Variants in CPHXL2 observed in about 807,000 individuals in gnomAD.
CPHXL2 encodes cytoplasmic polyadenylated homeobox like 2.
chr16:75,673,933 T>C, the CPHXL2 span, among the ~76,000 whole-genome samples: 203 of 148,458 alleles, frequency 1.4e-3, 1 homozygote, highest in African/African-American at 4.8e-3. Context: ...TGAGTTGAGA[T>C]TGTGCCACTG....
the CPHXL2 span, chr16:75,661,224 C>G: frequency 1.2e-5 from 5 of 400,664 alleles, no homozygotes; most frequent in Non-Finnish European, 2.2e-5. Context: ...CGGTGGAAGT[C>G]TGGCTCTATT....
the CPHXL2 span, chr16:75,676,988 T>G: frequency 7.5e-6 from 3 of 398,582 alleles, no homozygotes; most frequent in Non-Finnish European, 1.3e-5. Flanking sequence ...GGCACTCACC[T>G]TGGGAAGACA....
the CPHXL2 span, among the ~76,000 whole-genome samples, chr16:75,665,601 G>A: frequency 1.3e-5 from 2 of 152,200 alleles, no homozygotes; most frequent in Non-Finnish European, 2.9e-5. Context: ...AGTGGCACAT[G>A]CTTGTAATCC....
the CPHXL2 span, among the ~76,000 whole-genome samples, chr16:75,665,146 T>C: frequency 6.6e-6 from 1 of 152,042 alleles, no homozygotes; most frequent in Admixed American, 6.6e-5. Flanking sequence ...ATCTGGGAAA[T>C]TCATCCCAAA....
chr16:75,667,224 A>C, the CPHXL2 span, among the ~76,000 whole-genome samples: 3 of 150,980 alleles, frequency 2.0e-5, no homozygotes, highest in South Asian at 6.3e-4. Flanking sequence ...AGGCAGAAGA[A>C]TTGCTTGAAC....
chr16:75,665,559 C>A, the CPHXL2 span, among the ~76,000 whole-genome samples: 3 of 152,064 alleles, frequency 2.0e-5, no homozygotes, highest in Non-Finnish European at 4.4e-5. Context: ...AGGACCTATA[C>A]AACAAAAAAA....
the CPHXL2 span, among the ~76,000 whole-genome samples, chr16:75,666,347 C>T: frequency 7.9e-5 from 12 of 152,098 alleles, no homozygotes; most frequent in East Asian, 1.4e-3. Context: ...GATGGCTGGG[C>T]GTGGTGGCTC....
At chr16:75,660,694 C>G in the CPHXL2 span, 1 of 398,590 alleles carries the variant, frequency 2.5e-6, no homozygotes, top group Non-Finnish European at 4.4e-6. Flanking sequence ...TGAGCGTAAT[C>G]CAAAAGGAAG....
chr16:75,674,372 C>CAAAAAAAAA, the CPHXL2 span, among the ~76,000 whole-genome samples: 101 of 53,282 alleles, frequency 1.9e-3, no homozygotes, highest in African/African-American at 2.7e-3. Flanking sequence ...GACTCCGTCT[C>CAAAAAAAAA]AAAAAAAAAA....
At chr16:75,664,635 A>AAG in the CPHXL2 span, among the ~76,000 whole-genome samples, 40 of 150,928 alleles carry the variant, frequency 2.7e-4, no homozygotes, top group African/African-American at 9.3e-4. Flanking sequence ...CAAAAAAAAA[A>AAG]AAAAAAAGAA....
chr16:75,661,147 A>T, the CPHXL2 span: 1 of 400,848 alleles, frequency 2.5e-6, no homozygotes, highest in Non-Finnish European at 4.4e-6. Flanking sequence ...TGGAGGCTTA[A>T]AAATGGACAG....
chr16:75,675,220 C>T, the CPHXL2 span, among the ~76,000 whole-genome samples: 2 of 150,564 alleles, frequency 1.3e-5, no homozygotes, highest in Middle Eastern at 6.9e-3. Context: ...TGGGGTTTCA[C>T]CATATTGGTC....
chr16:75,666,598 A>G, the CPHXL2 span, among the ~76,000 whole-genome samples: 4 of 144,848 alleles, frequency 2.8e-5, no homozygotes, highest in Admixed American at 6.9e-5. Context: ...ACAAGAGTGA[A>G]ACTCTATCTC....
the CPHXL2 span, chr16:75,660,399 G>A: frequency 2.5e-6 from 1 of 398,684 alleles, no homozygotes; most frequent in Non-Finnish European, 4.4e-6. Context: ...GGGTGAGTTG[G>A]CAGCTATTTG....
At chr16:75,670,725 G>C in the CPHXL2 span, among the ~76,000 whole-genome samples, 1 of 152,018 alleles carries the variant, frequency 6.6e-6, no homozygotes, top group Non-Finnish European at 1.5e-5. Context: ...TCCAACTCTT[G>C]AGCTCAAGTG....
chr16:75,661,220 A>G, the CPHXL2 span: 3 of 400,644 alleles, frequency 7.5e-6, no homozygotes, highest in Non-Finnish European at 1.3e-5. Flanking sequence ...CTTCCGGTGG[A>G]AGTCTGGCTC....
chr16:75,673,024 G>A, the CPHXL2 span, among the ~76,000 whole-genome samples: 15 of 141,658 alleles, frequency 1.1e-4, no homozygotes, highest in South Asian at 2.2e-4. Flanking sequence ...GCAGTGAGCC[G>A]TGCACGTGCC....
chr16:75,667,929 C>G, the CPHXL2 span, among the ~76,000 whole-genome samples: 1 of 152,212 alleles, frequency 6.6e-6, no homozygotes, highest in African/African-American at 2.4e-5. Context: ...GTCCACCTTA[C>G]CTTTCACAGC....
At chr16:75,660,806 A>G in the CPHXL2 span, 1 of 398,688 alleles carries the variant, frequency 2.5e-6, no homozygotes, top group Non-Finnish European at 4.4e-6. Flanking sequence ...TGTAGCTGAG[A>G]AAACGATAGG....
Sources: allele counts gnomAD v4.1 joint callset (sites outside exome capture counted in the v4.1 genomes callset), GRCh38; gene constraint gnomAD v4.1.1; transcripts MANE v1.5; gene names NCBI Gene and HGNC (gene_info 2026-07-23, HGNC 2026-07-21).